The following LIPA variants were observed in gnomAD, a reference collection of about 807,000 sequenced individuals.
LIPA encodes the protein lysosomal acid lipase/cholesteryl ester hydrolase.
A neutral mutation model predicts 40.6 loss-of-function variants in LIPA; 26 were observed. The ratio of observed to expected loss-of-function variants is 0.64; its 90% CI spans 0.47 to 0.89. The LOEUF (loss-of-function observed/expected upper bound fraction) is 0.89, where lower values mean the gene tolerates loss of function less well. Among genes scored for constraint, LIPA ranks in the 40% least tolerant of loss-of-function variants. The pLI is 0.00. For synonymous variants in LIPA, 188 were observed against 168.4 expected (o/e 1.12, Z -0.90); for missense variants, 455 against 479.6 (o/e 0.95, Z 0.48).
upstream of LIPA, among the ~76,000 whole-genome samples, chr10:89,343,463 T>C (rs1206462658): frequency 1.3e-5 from 2 of 152,184 alleles, no homozygotes; most frequent in Non-Finnish European, 2.9e-5. Flanking sequence ...GGGCTTCTAG[T>C]TTCTATCATT....
chr10:89,338,622 C>A lies in LIPA; in HGVS notation c.-2+3989G>T, dbSNP rs1171362363. On this transcript the variant is annotated intron_variant, in intron 1 of 5. Coordinates refer to the LIPA transcript ENST00000282673. ...AATGATCACAGGGTGCAGTGCTTGG[C>A]AGTGTACATCACAGTGACCATGTTT... is the stretch of plus-strand genomic sequence containing the variant. The A allele has an allele frequency of 2.5e-6, 4 of 1,572,330 alleles. No individual in the cohort carries two copies. The Admixed American group carries it at 5.2e-5, about 21-fold the overall frequency.
At chr10:89,271,595 G>T (rs1843265991) in intron 1 of LIPA, among the ~76,000 whole-genome samples, 1 of 152,146 alleles carries the variant, frequency 6.6e-6, no homozygotes, top group Non-Finnish European at 1.5e-5. Flanking sequence ...GTGCCTCTTT[G>T]TATTTCCATA....
At chr10:89,247,478 C>A in intron 2 of LIPA, 60 bp downstream of exon 2, 1 of 928,116 alleles carries the variant, frequency 1.1e-6, no homozygotes, top group South Asian at 1.3e-5. Flanking sequence ...TCATGTAGCT[C>A]ACATAACTGG....
At chr10:89,307,322 G>A (rs780537242) in intron 1 of LIPA, 1 of 1,612,484 alleles carries the variant, frequency 6.2e-7, no homozygotes, top group African/African-American at 1.3e-5. Flanking sequence ...CTCTGAGAGG[G>A]GTTTGGAGTC....
chr10:89,272,612 G>A (rs1388660641), intron 1 of LIPA, among the ~76,000 whole-genome samples: 3 of 152,110 alleles, frequency 2.0e-5, no homozygotes, highest in African/African-American at 4.8e-5. Flanking sequence ...GTACATACCC[G>A]GTAATGGGAT....
intron 1 of LIPA, among the ~76,000 whole-genome samples, chr10:89,318,740 C>T (rs1358400763): frequency 3.3e-5 from 5 of 152,316 alleles, no homozygotes; most frequent in African/African-American, 1.2e-4. Flanking sequence ...AACTCTCCAC[C>T]CCAAATCAAC....
intron 2 of LIPA, chr10:89,402,276 TACAG>T: frequency 6.4e-7 from 1 of 1,572,856 alleles, no homozygotes; most frequent in Admixed American, 1.9e-5. Context: ...TTTTTGTTTT[TACAG>T]TACAAATGGT....
At chr10:89,222,631 G>C (rs1449962730) in intron 7 of LIPA, 49 bp from the exon 8 acceptor site, 2 of 1,148,426 alleles carry the variant, frequency 1.7e-6, no homozygotes, top group East Asian at 4.7e-5. Flanking sequence ...CATTAAGGTG[G>C]CATTGATAAT....
intron 2 of LIPA, among the ~76,000 whole-genome samples, chr10:89,387,600 A>G (rs1844219745): frequency 6.6e-6 from 1 of 152,212 alleles, no homozygotes; most frequent in African/African-American, 2.4e-5. Flanking sequence ...GGAAAGGGAC[A>G]GCAATAGGAG....
At chr10:89,380,262 G>A (rs1844153471) in intron 2 of LIPA, among the ~76,000 whole-genome samples, 1 of 152,114 alleles carries the variant, frequency 6.6e-6, no homozygotes, top group South Asian at 2.1e-4. Flanking sequence ...CACTGGTTCA[G>A]GGACAGAGGA....
intron 1 of LIPA, among the ~76,000 whole-genome samples, chr10:89,311,524 C>CAAA (rs36010336): frequency 1.4e-3 from 100 of 73,568 alleles, no homozygotes; most frequent in East Asian, 0.013. Flanking sequence ...GACCCTGTCT[C>CAAA]AAAAAAAAAA....
intron 1 of LIPA, among the ~76,000 whole-genome samples, chr10:89,315,586 A>G (rs1045605371): frequency 9.5e-6 from 1 of 104,900 alleles, no homozygotes; most frequent in Admixed American, 9.3e-5. Context: ...AAAAATGAAA[A>G]GAAAAAAAAA....
At chr10:89,347,619 T>C (rs1353648437), upstream of LIPA, among the ~76,000 whole-genome samples, 1 of 152,204 alleles carries the variant, frequency 6.6e-6, no homozygotes, top group Admixed American at 6.5e-5. Context: ...TCTGTCAGTA[T>C]TGATCTCAGT....
chr10:89,235,748 G>C (rs759310369), intron 3 of LIPA, among the ~76,000 whole-genome samples: 20 of 152,232 alleles, frequency 1.3e-4, no homozygotes, highest in Admixed American at 3.3e-4. Context: ...CAGACACCAG[G>C]GCGTTAGCAT....
intron 3 of LIPA, among the ~76,000 whole-genome samples, chr10:89,237,631 G>A (rs1253995427): frequency 6.6e-6 from 1 of 152,142 alleles, no homozygotes; most frequent in East Asian, 1.9e-4. Flanking sequence ...GCCTTAAAGG[G>A]AAAATATAGA....
chr10:89,403,045 C>G (rs375161224), intron 2 of LIPA: 4 of 1,614,104 alleles, frequency 2.5e-6, no homozygotes, highest in Non-Finnish European at 3.4e-6. Flanking sequence ...TTTCGATATG[C>G]AGCCAAGTTT....
chr10:89,292,804 C>G (rs146397592), intron 1 of LIPA, among the ~76,000 whole-genome samples: 1 of 151,324 alleles, frequency 6.6e-6, no homozygotes, highest in African/African-American at 2.4e-5. Flanking sequence ...TGCCACCATG[C>G]CTGGCTACTT....
chr10:89,345,338 G>C (rs1843910864), upstream of LIPA, among the ~76,000 whole-genome samples: 1 of 152,044 alleles, frequency 6.6e-6, no homozygotes, highest in Admixed American at 6.6e-5. Flanking sequence ...AGACCAGCCT[G>C]GCCAACATGG....
chr10:89,403,451 G>A (rs1368018489), intron 2 of LIPA: 2 of 1,613,644 alleles, frequency 1.2e-6, no homozygotes, highest in Non-Finnish European at 8.5e-7. Flanking sequence ...AATTTCAAAA[G>A]AAATCTGACG....
Sources: allele counts gnomAD v4.1 joint callset (sites outside exome capture counted in the v4.1 genomes callset), GRCh38; gene constraint gnomAD v4.1.1; transcripts MANE v1.5; gene names NCBI Gene and HGNC (gene_info 2026-07-23, HGNC 2026-07-21).